Variants in SLC4A4 observed in about 807,000 individuals in gnomAD.
SLC4A4 encodes the protein electrogenic sodium bicarbonate cotransporter 1.
In SLC4A4, 27 loss-of-function variants were observed where a neutral mutation model predicts 111.5. The ratio of observed to expected loss-of-function variants is 0.24; its 90% confidence interval spans 0.18 to 0.33. The LOEUF is 0.33. SLC4A4 is among the 10% of genes least tolerant of loss of function. SLC4A4 has a pLI of 1.00. For synonymous variants in SLC4A4, 443 were observed against 463.4 expected, an observed-to-expected ratio of 0.96 and a Z score of 0.57; for missense variants, 909 against 1,315.5, an observed-to-expected ratio of 0.69 and a Z score of 4.78.
At chr4:71,399,731 C>T (rs962047977) in intron 7 of SLC4A4, among the ~76,000 whole-genome samples, 11 of 151,724 alleles carry the variant, frequency 7.3e-5, no homozygotes, top group African/African-American at 1.9e-4. Context: ...TGATGTTATC[C>T]GTCTTGTCTT....
chr4:71,331,930 G>A (rs1728032090), intron 3 of SLC4A4, among the ~76,000 whole-genome samples: 1 of 152,098 alleles, frequency 6.6e-6, no homozygotes, highest in South Asian at 2.1e-4. Context: ...TCTAAGATTT[G>A]TCCATTTCTT....
chr4:71,419,518 C>T (rs1359753019), intron 7 of SLC4A4, among the ~76,000 whole-genome samples: 4 of 152,242 alleles, frequency 2.6e-5, no homozygotes, highest in Non-Finnish European at 4.4e-5. Context: ...GATATAATCT[C>T]CTGGTGCCCC....
intron 3 of SLC4A4, among the ~76,000 whole-genome samples, chr4:71,286,183 T>C (rs1723905554): frequency 6.6e-6 from 1 of 152,112 alleles, no homozygotes. Flanking sequence ...GAGCTTTCAG[T>C]GAGCTGAGAT....
intron 2 of SLC4A4, among the ~76,000 whole-genome samples, chr4:71,114,056 G>C (rs1458166032): frequency 6.6e-6 from 1 of 152,098 alleles, no homozygotes; most frequent in Non-Finnish European, 1.5e-5. Context: ...GACCATTCTG[G>C]CTAACACGGT....
At chr4:71,068,553 T>C (rs1310738653) in intron 1 of SLC4A4, among the ~76,000 whole-genome samples, 1 of 151,836 alleles carries the variant, frequency 6.6e-6, no homozygotes, top group African/African-American at 2.4e-5. Flanking sequence ...GGGCAACCTT[T>C]TTTTCTTTTT....
intron 7 of SLC4A4, chr4:71,437,468 T>C (rs949292963): frequency 1.7e-5 from 6 of 352,562 alleles, no homozygotes; most frequent in Non-Finnish European, 2.8e-5. Context: ...TCAAGGTGTG[T>C]TTCTCCTTTT....
chr4:71,180,668 T>C (rs190921322), intron 2 of SLC4A4, among the ~76,000 whole-genome samples: 86 of 152,308 alleles, frequency 5.6e-4, no homozygotes, highest in Admixed American at 3.9e-3. Context: ...TCACACCTGT[T>C]AGAATGGCAA....
At chr4:71,314,968 C>A (rs1225333884) in intron 3 of SLC4A4, among the ~76,000 whole-genome samples, 2 of 152,018 alleles carry the variant, frequency 1.3e-5, no homozygotes, top group Non-Finnish European at 2.9e-5. Flanking sequence ...TTATCAATAA[C>A]CTGATAGAAT....
chr4:71,524,096 T>C (rs1733205024), intron 16 of SLC4A4, among the ~76,000 whole-genome samples: 1 of 152,158 alleles, frequency 6.6e-6, no homozygotes, highest in African/African-American at 2.4e-5. Flanking sequence ...TTAATTTCTC[T>C]TTCCTGTGAT....
chr4:71,236,551 C>CT (rs752099785), intron 1 of SLC4A4, 25 bp from the exon 2 acceptor site: 5 of 1,605,288 alleles, frequency 3.1e-6, no homozygotes, highest in Non-Finnish European at 4.3e-6. Flanking sequence ...TCTGAGCATT[C>CT]TTTTTTTCTT....
At chr4:71,329,118 G>A (rs1299091941) in intron 3 of SLC4A4, among the ~76,000 whole-genome samples, 1 of 152,000 alleles carries the variant, frequency 6.6e-6, no homozygotes, top group Non-Finnish European at 1.5e-5. Context: ...TAAAAAATGA[G>A]CTCACTGTAG....
chr4:71,284,613 T>C (rs975561734), intron 3 of SLC4A4, among the ~76,000 whole-genome samples: 5 of 152,206 alleles, frequency 3.3e-5, no homozygotes, highest in African/African-American at 1.2e-4. Flanking sequence ...TTCCTTCAAG[T>C]CATTGCTAAT....
chr4:71,547,934 T>C (rs1735675921), intron 20 of SLC4A4, among the ~76,000 whole-genome samples: 1 of 151,942 alleles, frequency 6.6e-6, no homozygotes, highest in Non-Finnish European at 1.5e-5. Context: ...GTTTTGCAGT[T>C]ATTTGATTGA....
intron 2 of SLC4A4, among the ~76,000 whole-genome samples, chr4:71,249,283 T>C (rs1359510369): frequency 1.3e-5 from 2 of 152,162 alleles, no homozygotes; most frequent in African/African-American, 4.8e-5. Flanking sequence ...CAAAATTATC[T>C]ATACATAAAT....
intron 17 of SLC4A4, among the ~76,000 whole-genome samples, chr4:71,532,632 A>C (rs1483249348): frequency 6.6e-6 from 1 of 152,076 alleles, no homozygotes; most frequent in African/African-American, 2.4e-5. Flanking sequence ...TAGCCTCCCA[A>C]GTAGCTGGTG....
chr4:71,450,669 A>G (rs1725679615), intron 10 of SLC4A4, 126 bp downstream of exon 10: 1 of 852,504 alleles, frequency 1.2e-6, no homozygotes. Flanking sequence ...AACTTGATGT[A>G]TTTTCTCAAA....
intron 1 of SLC4A4, among the ~76,000 whole-genome samples, chr4:71,068,637 C>T (rs1741592849): frequency 6.6e-6 from 1 of 151,958 alleles, no homozygotes; most frequent in African/African-American, 2.4e-5. Context: ...TCACTGCAAC[C>T]TGCAACCTCC....
chr4:71,487,119 C>A, intron 15 of SLC4A4, 101 bp downstream of exon 15: 1 of 720,932 alleles, frequency 1.4e-6, no homozygotes, highest in African/African-American at 1.8e-5. Context: ...CTCAGCAATT[C>A]TGGCATGAAC....
At chr4:71,528,378 A>T (rs1240574655) in intron 16 of SLC4A4, among the ~76,000 whole-genome samples, 2 of 152,136 alleles carry the variant, frequency 1.3e-5, no homozygotes, top group African/African-American at 4.8e-5. Context: ...AGCTACAGAA[A>T]TTATAATTTT....
Sources: gnomAD v4.1 joint callset for allele counts (sites outside exome capture counted in the v4.1 genomes callset) on GRCh38, gnomAD v4.1.1 for gene constraint, MANE v1.5 for transcripts, NCBI Gene and HGNC (gene_info 2026-07-23, HGNC 2026-07-21) for gene names.